MARCHF1: variants seen among roughly 807,000 people sequenced by gnomAD.
MARCHF1 encodes the protein membrane associated ring-CH-type finger 1.
In MARCHF1, 40 loss-of-function variants were observed where a neutral mutation model predicts 54.2. The ratio of observed to expected loss-of-function variants is 0.74; its 90% CI spans 0.57 to 0.96. The LOEUF is 0.96. Among genes scored for constraint, MARCHF1 ranks in the 40% least tolerant of loss-of-function variants. MARCHF1 has a pLI of 0.00. For synonymous variants in MARCHF1, 236 were observed against 236.3 expected (o/e 1.00, Z 0.01); for missense variants, 586 against 656.5 (o/e 0.89, Z 1.17).
chr4:163,675,001 T>C (rs1381117870), intron 5 of MARCHF1, among the ~76,000 whole-genome samples: 3 of 152,044 alleles, frequency 2.0e-5, no homozygotes, highest in Admixed American at 6.6e-5. Flanking sequence ...CAAAATTTAA[T>C]AAAGATAAAC....
intron 1 of MARCHF1, among the ~76,000 whole-genome samples, chr4:164,231,942 CT>C (rs1042971392): frequency 4.6e-5 from 7 of 152,040 alleles, no homozygotes; most frequent in African/African-American, 1.2e-4. Flanking sequence ...TGAATTACCC[CT>C]AGTCATATCA....
At chr4:164,351,096 T>A (rs573529059) in intron 1 of MARCHF1, among the ~76,000 whole-genome samples, 24 of 152,340 alleles carry the variant, frequency 1.6e-4, no homozygotes, top group African/African-American at 5.8e-4. Context: ...ATCCCTCACC[T>A]GGCTCGGAGG....
At chr4:164,358,049 T>C (rs2110914687) in intron 1 of MARCHF1, among the ~76,000 whole-genome samples, 1 of 152,218 alleles carries the variant, frequency 6.6e-6, no homozygotes, top group African/African-American at 2.4e-5. Flanking sequence ...TCCTAATAAA[T>C]ACAAGATGAA....
chr4:163,811,364 T>C (rs1748379663), intron 4 of MARCHF1, among the ~76,000 whole-genome samples: 1 of 152,140 alleles, frequency 6.6e-6, no homozygotes, highest in South Asian at 2.1e-4. Context: ...CTAAATATTT[T>C]GTCTTAAGGA....
At chr4:163,698,670 C>A (rs1744709364) in intron 5 of MARCHF1, among the ~76,000 whole-genome samples, 1 of 151,992 alleles carries the variant, frequency 6.6e-6, no homozygotes, top group Non-Finnish European at 1.5e-5. Flanking sequence ...TTTTTGATTT[C>A]TTAAAGCATT....
intron 3 of MARCHF1, among the ~76,000 whole-genome samples, chr4:163,943,483 C>G (rs971189026): frequency 5.9e-5 from 9 of 152,032 alleles, no homozygotes; most frequent in Non-Finnish European, 1.2e-4. Context: ...TGTTGAAGGT[C>G]AGATGGATGT....
intron 1 of MARCHF1, among the ~76,000 whole-genome samples, chr4:164,199,358 T>C (rs1472634748): frequency 6.6e-6 from 1 of 152,170 alleles, no homozygotes; most frequent in Non-Finnish European, 1.5e-5. Flanking sequence ...ATCAAACTTC[T>C]ACACCAGGCA....
chr4:164,233,737 T>C (rs949385313), intron 1 of MARCHF1, among the ~76,000 whole-genome samples: 3 of 152,156 alleles, frequency 2.0e-5, no homozygotes, highest in Admixed American at 2.0e-4. Context: ...CAATGACTTA[T>C]TACTTTTATG....
intron 2 of MARCHF1, among the ~76,000 whole-genome samples, chr4:164,078,383 T>TG (rs1755023270): frequency 6.6e-6 from 1 of 151,988 alleles, no homozygotes; most frequent in Admixed American, 6.5e-5. Flanking sequence ...TGCAGGGAGT[T>TG]GGGGGTTAGG....
intron 4 of MARCHF1, among the ~76,000 whole-genome samples, chr4:163,709,312 A>G (rs1309960235): frequency 2.0e-5 from 3 of 152,208 alleles, no homozygotes; most frequent in Non-Finnish European, 4.4e-5. Flanking sequence ...AAGCAGGCTC[A>G]TACCTGTAAT....
intron 2 of MARCHF1, among the ~76,000 whole-genome samples, chr4:163,994,958 T>C (rs559117683): frequency 6.6e-6 from 1 of 152,220 alleles, no homozygotes; most frequent in East Asian, 1.9e-4. Context: ...AAGACTTCTG[T>C]GACCAAATGT....
At position 164,000,106 on chromosome 4, in the gene MARCHF1, G is replaced by C. The variant is rs115730527; in HGVS notation, c.-247-11397C>G. ...GTGGTATTATTAGAATGTCCTTCTG[G>C]TTTTGATAATAATAACACTCAGATC... On this transcript the variant is annotated intron_variant, in intron 2 of 9. Coordinates refer to ENST00000514618, the MANE Select transcript of MARCHF1 (RefSeq NM_001394959.1). 2.7e-3 allele frequency among the ~76,000 whole-genome samples: 409 copies of C among 151,716 alleles called. 3 individuals are homozygous for C. The highest frequency in any genetic ancestry group is 9.5e-3 in the African/African-American group (396 of 41,484).
intron 2 of MARCHF1, among the ~76,000 whole-genome samples, chr4:164,067,169 A>T (rs540869231): frequency 6.6e-6 from 1 of 152,300 alleles, no homozygotes; most frequent in East Asian, 1.9e-4. Flanking sequence ...TATGGCCCAA[A>T]GAAATTCACA....
intron 1 of MARCHF1, among the ~76,000 whole-genome samples, chr4:164,116,827 T>G (rs1755948117): frequency 6.6e-6 from 1 of 152,084 alleles, no homozygotes; most frequent in Admixed American, 6.6e-5. Flanking sequence ...GCTAGATCTC[T>G]TAACATTGAT....
intron 3 of MARCHF1, among the ~76,000 whole-genome samples, chr4:163,912,423 G>GCAC (rs1453566341): frequency 1.9e-4 from 29 of 152,272 alleles, no homozygotes; most frequent in Admixed American, 1.8e-3. Flanking sequence ...TTTATTCAGA[G>GCAC]CACTATAGGT....
intron 1 of MARCHF1, among the ~76,000 whole-genome samples, chr4:164,113,274 G>C (rs1755872707): frequency 1.3e-5 from 2 of 152,114 alleles, no homozygotes; most frequent in South Asian, 4.1e-4. Context: ...AACATATGTT[G>C]TTATTGGTTG....
Position 163,700,857 on chromosome 4 carries a change from T to C in MARCHF1, c.118A>G (p.Lys40Glu). ...DASQTSTLNE[K>E]SPGRSASRSS... ...CGACTTGCAGATCGCCCTGGGGATT[T>C]TTCATTCTGAAAAATAAAATGGGAA... is the stretch of plus-strand genomic sequence containing the variant. Residue 40 changes from lysine (K) to glutamate (E), a missense_variant, in exon 5 of 10, where the codon AAA (lysine) becomes GAA (glutamate). Transcript: ENST00000514618. 1 of 1,535,642 alleles carries C rather than the reference T, an allele frequency of 6.5e-7. No individual in the cohort carries two copies. Among genetic ancestry groups the C allele is most frequent in the South Asian group, 1.2e-5 (1 of 84,020 alleles).
chr4:163,627,388 C>T (rs1579127028), intron 5 of MARCHF1, among the ~76,000 whole-genome samples: 1 of 152,182 alleles, frequency 6.6e-6, no homozygotes, highest in Non-Finnish European at 1.5e-5. Flanking sequence ...TCTTCGATAG[C>T]ATAGCCCTTT....
intron 5 of MARCHF1, among the ~76,000 whole-genome samples, chr4:163,622,625 C>T (rs6825276): frequency 0.11 from 16,146 of 151,886 alleles, 1,531 homozygotes; most frequent in African/African-American, 0.25. Context: ...ACATCTGCAC[C>T]GTGGGCTGAT....
Sources: gnomAD v4.1 joint callset for allele counts (sites outside exome capture counted in the v4.1 genomes callset) on GRCh38, gnomAD v4.1.1 for gene constraint, MANE v1.5 for transcripts, NCBI Gene and HGNC (gene_info 2026-07-23, HGNC 2026-07-21) for gene names.